The following FOXN3 variants were observed in gnomAD, a reference collection of about 807,000 sequenced individuals.
FOXN3 encodes the protein forkhead box protein N3.
In FOXN3, 7 loss-of-function variants were observed where a neutral mutation model predicts 38.4. The ratio of observed to expected loss-of-function variants is 0.18; its 90% CI spans 0.10 to 0.34. FOXN3 has a LOEUF of 0.34. Ranked by LOEUF, FOXN3 falls within the 10% of genes least tolerant of loss-of-function variation. The probability of loss-of-function intolerance (pLI) is 1.00; values close to 1 mark genes in which losing one functional copy is unlikely to be tolerated. For synonymous variants in FOXN3, 230 were observed against 242.2 expected (o/e 0.95, Z 0.47); for missense variants, 456 against 613.4 (o/e 0.74, Z 2.71).
At chr14:89,385,288 A>C (rs943334190) in intron 2 of FOXN3, among the ~76,000 whole-genome samples, 1 of 152,156 alleles carries the variant, frequency 6.6e-6, no homozygotes, top group Non-Finnish European at 1.5e-5. Context: ...AATATTGGCC[A>C]ATATCTATAG....
At position 89,425,521 on chromosome 14, in the gene FOXN3, C is replaced by A. The variant is rs149380740; in HGVS notation, c.-14-13031G>T. Among the ~76,000 whole-genome samples the A allele has an allele frequency of 6.6e-3, 814 of 122,544 alleles. 10 individuals are homozygous for A. The highest frequency in any genetic ancestry group is 0.022 in the African/African-American group (760 of 34,808). The allele number at this position is 122,544 out of a possible 152,430, so 80.4% of individuals were successfully genotyped here. The stretch of plus-strand genomic sequence containing the variant: ...TAGCTGGGATTACAGGCTTGTGCCA[C>A]CATGCCCGGCTAATTTTTTTTTTTA... On this transcript the variant is annotated intron_variant, in intron 1 of 6. Transcript: ENST00000345097.
intron 3 of FOXN3, among the ~76,000 whole-genome samples, chr14:89,314,597 C>T (rs148026018): frequency 6.6e-6 from 1 of 152,304 alleles, no homozygotes; most frequent in Non-Finnish European, 1.5e-5. Flanking sequence ...ATTCATTCAA[C>T]AAAGACTTCT....
chr14:89,609,897 GGGC>G (rs749669261), intron 1 of FOXN3, among the ~76,000 whole-genome samples: 124 of 152,184 alleles, frequency 8.1e-4, no homozygotes, highest in Non-Finnish European at 1.3e-3. Context: ...ACGAGGGCGG[GGGC>G]GGCGGCGGCT....
chr14:89,274,901 G>A (rs750306421), intron 4 of FOXN3, among the ~76,000 whole-genome samples: 2 of 152,218 alleles, frequency 1.3e-5, no homozygotes, highest in Non-Finnish European at 2.9e-5. Context: ...TGGGCAAGAG[G>A]ACTTTGAGCC....
chr14:89,511,722 C>T (rs1324816204), intron 1 of FOXN3, among the ~76,000 whole-genome samples: 5 of 152,064 alleles, frequency 3.3e-5, no homozygotes, highest in Non-Finnish European at 7.4e-5. Context: ...AGGACATACC[C>T]GAGACTGGGT....
At chr14:89,538,829 ATTAT>A (rs1894740275) in intron 1 of FOXN3, among the ~76,000 whole-genome samples, 1 of 150,910 alleles carries the variant, frequency 6.6e-6, no homozygotes, top group Admixed American at 6.6e-5. Context: ...TTTTATTATT[ATTAT>A]TTATTTATTT....
At chr14:89,545,216 C>T (rs1310106514) in intron 1 of FOXN3, among the ~76,000 whole-genome samples, 2 of 152,182 alleles carry the variant, frequency 1.3e-5, no homozygotes, top group Non-Finnish European at 2.9e-5. Context: ...TGTAATGAAT[C>T]GTCACCTTCA....
At chr14:89,205,667 C>T (rs1417990289) in intron 4 of FOXN3, among the ~76,000 whole-genome samples, 1 of 152,240 alleles carries the variant, frequency 6.6e-6, no homozygotes, top group Non-Finnish European at 1.5e-5. Context: ...GCTCCCCATC[C>T]ACCTCTGTGA....
At chr14:89,325,314 GACCACC>G (rs774094314) in intron 3 of FOXN3, among the ~76,000 whole-genome samples, 3,985 of 101,622 alleles carry the variant, frequency 0.039, 82 homozygotes, top group South Asian at 0.085. Context: ...CCACCACCAC[GACCACC>G]ACCACCACCA....
intron 1 of FOXN3, among the ~76,000 whole-genome samples, chr14:89,596,763 A>T (rs80068073): frequency 0.1 from 15,539 of 152,176 alleles, 1,875 homozygotes; most frequent in African/African-American, 0.3. Context: ...TGGCATTTTA[A>T]AATTTTTGTC....
Position 89,325,329 on chromosome 14 carries a change from C to T in FOXN3, c.680+25343G>A, listed in dbSNP as rs1317025541. On this transcript the variant is annotated intron_variant, in intron 3 of 5. Transcript: ENST00000557258. ...CCACCACCACGACCACCACCACCAC[C>T]ACCACCACCACCACCACCACCACCA... Among the ~76,000 whole-genome samples the T allele has an allele frequency of 3.1e-4, 41 of 133,960 alleles. 1 individual carries two copies. The highest frequency in any genetic ancestry group is 9.2e-5 in the Non-Finnish European group (6 of 64,912). The allele number at this position is 133,960 out of a possible 152,430, so 87.9% of individuals were successfully genotyped here.
Position 89,505,221 on chromosome 14 carries a change from G to A in FOXN3, c.-14-92731C>T, listed in dbSNP as rs534350288. ...TGCTTTAGTCTGTAGGTTGCCTAAC[G>A]CTACACAGCTAATGAAACACTGTCC... is the stretch of plus-strand genomic sequence containing the variant. On this transcript the variant is annotated intron_variant, in intron 1 of 6. Transcript: ENST00000345097. Among the ~76,000 whole-genome samples the A allele has an allele frequency of 5.4e-4, 82 of 151,976 alleles. No homozygotes were observed. The East Asian group carries it at 5.6e-3, about 10-fold the overall frequency.
chr14:89,253,466 G>A (rs758405849), intron 4 of FOXN3, among the ~76,000 whole-genome samples: 1 of 151,962 alleles, frequency 6.6e-6, no homozygotes, highest in Non-Finnish European at 1.5e-5. Flanking sequence ...GAGATCAAAC[G>A]GCTCTTTCCC....
chr14:89,539,813 G>A (rs376352592), intron 1 of FOXN3, among the ~76,000 whole-genome samples: 4 of 152,124 alleles, frequency 2.6e-5, no homozygotes, highest in Admixed American at 6.5e-5. Flanking sequence ...GTTAGTCCAC[G>A]GCAGCTGTGC....
chr14:89,602,621 C>T (rs1401667782), intron 1 of FOXN3, among the ~76,000 whole-genome samples: 4 of 151,914 alleles, frequency 2.6e-5, no homozygotes, highest in South Asian at 2.1e-4. Flanking sequence ...CTCAGCCTCC[C>T]GAGTAGCTGG....
At chr14:89,375,667 A>G (rs1193827243) in intron 2 of FOXN3, among the ~76,000 whole-genome samples, 1 of 152,262 alleles carries the variant, frequency 6.6e-6, no homozygotes, top group Non-Finnish European at 1.5e-5. Flanking sequence ...GAAAAAACTC[A>G]GTAACATTAA....
intron 4 of FOXN3, among the ~76,000 whole-genome samples, chr14:89,244,955 A>C (rs1188355051): frequency 1.3e-5 from 2 of 152,206 alleles, no homozygotes; most frequent in Non-Finnish European, 2.9e-5. Flanking sequence ...CAATGAATGA[A>C]GAAGAAAGTC....
chr14:89,185,868 C>G (rs564811281), intron 4 of FOXN3: 1 of 152,252 alleles, frequency 6.6e-6, no homozygotes, highest in Non-Finnish European at 1.5e-5. Flanking sequence ...AACAGAGCAG[C>G]ACTGCTCATT....
chr14:89,511,149 C>CTTTCTT (rs1894053707), intron 1 of FOXN3, among the ~76,000 whole-genome samples: 1 of 16,710 alleles, frequency 6.0e-5, no homozygotes, highest in African/African-American at 9.2e-5. Flanking sequence ...TCTTTTCTTT[C>CTTTCTT]TTTCTTTCTT....
Sources: allele counts gnomAD v4.1 joint callset (sites outside exome capture counted in the v4.1 genomes callset), GRCh38; gene constraint gnomAD v4.1.1; transcripts MANE v1.5; gene names NCBI Gene and HGNC (gene_info 2026-07-23, HGNC 2026-07-21).